The following ROBO1 variants were observed in gnomAD, a reference collection of about 807,000 sequenced individuals.
ROBO1 encodes the protein roundabout homolog 1.
ROBO1 carries 149 observed loss-of-function variants against 195.9 expected under a neutral mutation model. That is an observed-to-expected ratio of 0.76 (90% CI 0.67 to 0.87). The LOEUF is 0.87. Ranked by LOEUF, ROBO1 falls within the 40% of genes least tolerant of loss-of-function variation. The pLI is 0.00. For missense variants in ROBO1, 1,933 were observed against 2,068.3 expected (o/e 0.93, Z 1.27); for synonymous variants, 816 against 733.2 (o/e 1.11, Z -1.82).
intron 1 of ROBO1, among the ~76,000 whole-genome samples, chr3:79,730,535 TA>T (rs1703100245): frequency 2.0e-5 from 3 of 151,872 alleles, no homozygotes; most frequent in East Asian, 1.9e-4. Context: ...TGGGGGCCAA[TA>T]AAAAAAATTT....
intron 2 of ROBO1, among the ~76,000 whole-genome samples, chr3:79,305,921 A>C (rs941242914): frequency 1.3e-5 from 2 of 152,210 alleles, no homozygotes; most frequent in Non-Finnish European, 2.9e-5. Context: ...GGTTGAAAAA[A>C]ATTGAAAAAC....
chr3:79,580,263 G>T (rs1160094076), intron 2 of ROBO1, among the ~76,000 whole-genome samples: 2 of 151,938 alleles, frequency 1.3e-5, no homozygotes, highest in African/African-American at 4.8e-5. Flanking sequence ...CATGAGGCCA[G>T]GATTTTGACT....
chr3:79,019,049 G>A, intron 3 of ROBO1: 7 of 989,722 alleles, frequency 7.1e-6, no homozygotes, highest in Non-Finnish European at 8.4e-6. Context: ...CAGAGAGCGA[G>A]CGAGGGGGCG....
intron 2 of ROBO1, among the ~76,000 whole-genome samples, chr3:79,521,995 G>C (rs936964033): frequency 7.2e-5 from 11 of 152,090 alleles, no homozygotes; most frequent in African/African-American, 2.7e-4. Context: ...AAAGGAAGTA[G>C]GATTGTCATG....
At chr3:79,344,165 G>A (rs2035018578) in intron 2 of ROBO1, among the ~76,000 whole-genome samples, 1 of 152,124 alleles carries the variant, frequency 6.6e-6, no homozygotes, top group Non-Finnish European at 1.5e-5. Flanking sequence ...CTTGTATGCA[G>A]GCATGGCTAA....
chr3:78,970,301 T>C (rs182252158), intron 3 of ROBO1, among the ~76,000 whole-genome samples: 15 of 152,282 alleles, frequency 9.9e-5, no homozygotes, highest in African/African-American at 3.6e-4. Context: ...CTAGGTAATA[T>C]ATGTTCACAT....
chr3:79,188,006 G>C (rs1232503798), intron 2 of ROBO1, among the ~76,000 whole-genome samples: 1 of 151,844 alleles, frequency 6.6e-6, no homozygotes, highest in Non-Finnish European at 1.5e-5. Context: ...CTATGAGTGT[G>C]CTATTTCTCT....
intron 2 of ROBO1, among the ~76,000 whole-genome samples, chr3:79,148,365 T>C (rs1190578505): frequency 6.6e-6 from 1 of 151,818 alleles, no homozygotes; most frequent in Non-Finnish European, 1.5e-5. Context: ...GGAGAGGTGA[T>C]GTGCATCTCA....
chr3:79,707,909 C>A (rs1947822402), intron 1 of ROBO1, among the ~76,000 whole-genome samples: 1 of 152,168 alleles, frequency 6.6e-6, no homozygotes, highest in Non-Finnish European at 1.5e-5. Flanking sequence ...AATAACTAAT[C>A]TTTAAATTTC....
chr3:79,322,875 G>T (rs967015123), intron 2 of ROBO1, among the ~76,000 whole-genome samples: 16 of 152,118 alleles, frequency 1.1e-4, no homozygotes, highest in Admixed American at 9.8e-4. Context: ...AAAATAAAAT[G>T]GACACAATTA....
chr3:78,761,290 T>C (rs1186193885), intron 4 of ROBO1, among the ~76,000 whole-genome samples: 1 of 152,240 alleles, frequency 6.6e-6, no homozygotes, highest in South Asian at 2.1e-4. Context: ...ATGTTTCAGT[T>C]TCTCTGCAAT....
chr3:78,930,533 C>A (rs2107643277), intron 4 of ROBO1, among the ~76,000 whole-genome samples: 1 of 152,276 alleles, frequency 6.6e-6, no homozygotes, highest in East Asian at 1.9e-4. Flanking sequence ...TGGGATGAAG[C>A]ATACCAAACC....
At chr3:78,886,242 C>T (rs924124496) in intron 4 of ROBO1, among the ~76,000 whole-genome samples, 4 of 151,902 alleles carry the variant, frequency 2.6e-5, no homozygotes, top group Admixed American at 6.6e-5. Flanking sequence ...ACTTATACTT[C>T]GAGGCTTCTT....
At chr3:78,627,716 C>T in intron 25 of ROBO1, 147 bp from the exon 26 acceptor site, 1 of 904,826 alleles carries the variant, frequency 1.1e-6, no homozygotes, top group South Asian at 1.8e-5. Context: ...AAGGTTTTAC[C>T]TCACAAGGTT....
chr3:78,834,985 A>G (rs2032579065), intron 4 of ROBO1, among the ~76,000 whole-genome samples: 1 of 152,182 alleles, frequency 6.6e-6, no homozygotes, highest in Non-Finnish European at 1.5e-5. Context: ...CCACAACTAC[A>G]CCTTTAATAA....
chr3:79,504,084 A>G (rs9861175), intron 2 of ROBO1, among the ~76,000 whole-genome samples: 46,034 of 152,010 alleles, frequency 0.3, 7,248 homozygotes, highest in Non-Finnish European at 0.35. Context: ...TATTTTTAAT[A>G]TTAAAAAATT....
At chr3:79,522,074 T>C (rs749881085) in intron 2 of ROBO1, among the ~76,000 whole-genome samples, 4 of 152,170 alleles carry the variant, frequency 2.6e-5, no homozygotes, top group African/African-American at 4.8e-5. Flanking sequence ...ACAGATTCAG[T>C]ATGTCATCTA....
chr3:79,714,967 G>A (rs1576272864), intron 1 of ROBO1, among the ~76,000 whole-genome samples: 1 of 151,734 alleles, frequency 6.6e-6, no homozygotes, highest in African/African-American at 2.4e-5. Context: ...CCTGCACATT[G>A]TGCACATGTA....
At position 78,970,480 on chromosome 3, in the gene ROBO1, T is replaced by C. The variant is rs1227892271; in HGVS notation, c.173-31553A>G. On this transcript the variant is annotated intron_variant, in intron 3 of 30. Transcript: ENST00000464233. ...CTACCCCTACCATATTTTAAGGTAC[T>C]TTAAAGTGAGATTTTATTTACATGT... 3.9e-5 allele frequency among the ~76,000 whole-genome samples: 6 copies of C among 152,296 alleles called. No homozygotes were observed. The East Asian group carries it at 1.2e-3, about 29-fold the overall frequency.
Sources: gnomAD v4.1 joint callset for allele counts (sites outside exome capture counted in the v4.1 genomes callset) on GRCh38, gnomAD v4.1.1 for gene constraint, MANE v1.5 for transcripts, NCBI Gene and HGNC (gene_info 2026-07-23, HGNC 2026-07-21) for gene names.